Variants in SPAG16 observed in about 807,000 individuals in gnomAD.
SPAG16 encodes sperm-associated antigen 16 protein.
SPAG16 carries 86 observed loss-of-function variants against 80.4 expected under a neutral mutation model. The observed-to-expected ratio is 1.07, with a 90% CI of 0.90 to 1.28. The LOEUF (loss-of-function observed/expected upper bound fraction) is 1.28, where lower values mean the gene tolerates loss of function less well. Ranked by LOEUF, SPAG16 falls within the 50% of genes most tolerant of loss-of-function variation. SPAG16 has a pLI of 0.00. For synonymous variants in SPAG16, 294 were observed against 265.9 expected (o/e 1.11, Z -1.03); for missense variants, 870 against 765.3 (o/e 1.14, Z -1.61).
intron 10 of SPAG16, among the ~76,000 whole-genome samples, chr2:213,780,486 A>G (rs115408828): frequency 2.7e-5 from 4 of 150,464 alleles, no homozygotes; most frequent in African/African-American, 9.7e-5. Context: ...TTTTTCAACT[A>G]TGTGGAATCT....
intron 10 of SPAG16, among the ~76,000 whole-genome samples, chr2:213,516,503 G>A (rs911295022): frequency 2.6e-5 from 4 of 152,102 alleles, no homozygotes; most frequent in African/African-American, 4.8e-5. Context: ...AAAGGTTAAA[G>A]GTTGCGCTAT....
At chr2:214,089,164 T>C (rs2051991530) in intron 13 of SPAG16, among the ~76,000 whole-genome samples, 1 of 152,080 alleles carries the variant, frequency 6.6e-6, no homozygotes. Context: ...TGCTGGGTCT[T>C]CTGTGCCTAT....
At chr2:213,328,708 T>C (rs1039588422) in intron 5 of SPAG16, among the ~76,000 whole-genome samples, 2 of 152,194 alleles carry the variant, frequency 1.3e-5, no homozygotes, top group African/African-American at 2.4e-5. Flanking sequence ...AAACTCTGCC[T>C]TCTATCTGTA....
intron 15 of SPAG16, among the ~76,000 whole-genome samples, chr2:214,286,260 A>G (rs765304135): frequency 6.6e-6 from 1 of 152,142 alleles, no homozygotes; most frequent in Non-Finnish European, 1.5e-5. Flanking sequence ...ACGTACAACA[A>G]TGTGACTATA....
At chr2:213,356,355 T>C (rs1188263181) in intron 7 of SPAG16, among the ~76,000 whole-genome samples, 1 of 152,200 alleles carries the variant, frequency 6.6e-6, no homozygotes, top group Non-Finnish European at 1.5e-5. Flanking sequence ...TGGCAGAATT[T>C]GGCTGTGAAT....
intron 14 of SPAG16, among the ~76,000 whole-genome samples, chr2:214,136,770 A>C (rs1210023941): frequency 2.6e-5 from 4 of 152,180 alleles, no homozygotes; most frequent in Non-Finnish European, 5.9e-5. Context: ...AAATGGTGTA[A>C]TGAGCTATTG....
At chr2:213,550,217 C>CT (rs146200781) in intron 10 of SPAG16, among the ~76,000 whole-genome samples, 8,847 of 148,710 alleles carry the variant, frequency 0.059, 692 homozygotes, top group African/African-American at 0.18. Flanking sequence ...ATATCACAGA[C>CT]TTTTTTTTTT....
intron 10 of SPAG16, among the ~76,000 whole-genome samples, chr2:213,749,773 A>G (rs966940948): frequency 6.6e-6 from 1 of 151,736 alleles, no homozygotes; most frequent in South Asian, 2.1e-4. Flanking sequence ...CCTTTTTGTC[A>G]TTTCTTTACT....
At chr2:214,053,135 G>A (rs897766039) in intron 13 of SPAG16, among the ~76,000 whole-genome samples, 2 of 152,152 alleles carry the variant, frequency 1.3e-5, no homozygotes, top group African/African-American at 2.4e-5. Context: ...AGAAAGACAA[G>A]GAAGGCATGC....
intron 9 of SPAG16, among the ~76,000 whole-genome samples, chr2:213,462,443 G>A (rs1383398880): frequency 6.6e-6 from 1 of 152,072 alleles, no homozygotes; most frequent in East Asian, 1.9e-4. Context: ...GTATTTGGAG[G>A]AGATCACATG....
intron 4 of SPAG16, among the ~76,000 whole-genome samples, chr2:213,314,339 CTTATT>C (rs1010479775): frequency 3.3e-5 from 5 of 151,504 alleles, no homozygotes; most frequent in Non-Finnish European, 7.4e-5. Flanking sequence ...ACTTTTGAGT[CTTATT>C]TTAAGAGTGA....
chr2:213,687,175 A>G (rs2064720998), intron 10 of SPAG16, among the ~76,000 whole-genome samples: 2 of 152,080 alleles, frequency 1.3e-5, no homozygotes, highest in African/African-American at 2.4e-5. Flanking sequence ...CACATATAGT[A>G]TGAGGAACTT....
chr2:213,926,632 C>A (rs114489952), intron 11 of SPAG16, among the ~76,000 whole-genome samples: 2,156 of 151,286 alleles, frequency 0.014, 43 homozygotes, highest in African/African-American at 0.049. Flanking sequence ...ATATTTTTTT[C>A]AGATTTGCAG....
intron 12 of SPAG16, among the ~76,000 whole-genome samples, chr2:213,941,131 C>T (rs1313399424): frequency 1.3e-5 from 2 of 152,106 alleles, no homozygotes; most frequent in African/African-American, 4.8e-5. Flanking sequence ...CATATATCCA[C>T]CAGTCAGACT....
At chr2:214,310,488 T>TTTTG (rs1695218059) in intron 15 of SPAG16, among the ~76,000 whole-genome samples, 1 of 136,722 alleles carries the variant, frequency 7.3e-6, no homozygotes, top group South Asian at 2.1e-4. Context: ...TTGTTTTGGT[T>TTTTG]TTTGTTTTGT....
chr2:213,882,397 G>A (rs1451584836), intron 11 of SPAG16, among the ~76,000 whole-genome samples: 2 of 152,108 alleles, frequency 1.3e-5, no homozygotes, highest in Admixed American at 6.5e-5. Flanking sequence ...AATAGTACCT[G>A]TTCTTCTTTC....
chr2:214,398,061 A>G (rs1701500115), intron 15 of SPAG16, among the ~76,000 whole-genome samples: 1 of 152,164 alleles, frequency 6.6e-6, no homozygotes, highest in Non-Finnish European at 1.5e-5. Flanking sequence ...ACTGCTAGGC[A>G]ATAGAGGTAC....
chr2:213,953,530 A>G (rs1378248805), intron 12 of SPAG16, among the ~76,000 whole-genome samples: 2 of 151,848 alleles, frequency 1.3e-5, no homozygotes, highest in African/African-American at 2.4e-5. Flanking sequence ...ATACACACAG[A>G]GACACATACA....
At chr2:214,301,061 AATAATAAAAGTT>A (rs1694515719) in intron 15 of SPAG16, among the ~76,000 whole-genome samples, 1 of 146,550 alleles carries the variant, frequency 6.8e-6, no homozygotes, top group African/African-American at 2.5e-5. Flanking sequence ...TAATAATAAT[AATAATAAAAGTT>A]AGCAAGCTAA....
Sources: gnomAD v4.1 joint callset for allele counts (sites outside exome capture counted in the v4.1 genomes callset) on GRCh38, gnomAD v4.1.1 for gene constraint, MANE v1.5 for transcripts, NCBI Gene and HGNC (gene_info 2026-07-23, HGNC 2026-07-21) for gene names.